Variants in MAP3K20 observed in about 807,000 individuals in gnomAD.
MAP3K20 encodes the protein HCCS-4.
In MAP3K20, 40 loss-of-function variants were observed where a neutral mutation model predicts 85.7. The observed-to-expected ratio is 0.47, with a 90% CI of 0.36 to 0.61. The LOEUF (loss-of-function observed/expected upper bound fraction) is 0.61, where lower values mean the gene tolerates loss of function less well. Among genes scored for constraint, MAP3K20 ranks in the 20% least tolerant of loss-of-function variants. MAP3K20 has a pLI of 0.00. For missense variants in MAP3K20, 817 were observed against 961.7 expected (o/e 0.85, Z 1.99); for synonymous variants, 325 against 327.7 (o/e 0.99, Z 0.09).
At chr2:173,197,985 T>A in intron 7 of MAP3K20, 41 bp from the exon 8 acceptor site, 1 of 1,578,478 alleles carries the variant, frequency 6.3e-7, no homozygotes. Flanking sequence ...CCAAAAAATA[T>A]AAAGTACAAA....
intron 2 of MAP3K20, among the ~76,000 whole-genome samples, chr2:173,151,562 A>C (rs1689308403): frequency 6.6e-6 from 1 of 152,260 alleles, no homozygotes; most frequent in African/African-American, 2.4e-5. Flanking sequence ...TTTACTGTAT[A>C]CAAAGGCCTA....
intron 2 of MAP3K20, among the ~76,000 whole-genome samples, chr2:173,145,160 C>T (rs2106219390): frequency 6.6e-6 from 1 of 151,962 alleles, no homozygotes; most frequent in Middle Eastern, 3.4e-3. Context: ...CTCTTGTGAC[C>T]TTTGATAGCC....
intron 4 of MAP3K20, among the ~76,000 whole-genome samples, chr2:173,183,421 T>C (rs1482928300): frequency 6.6e-6 from 1 of 152,190 alleles, no homozygotes; most frequent in Non-Finnish European, 1.5e-5. Context: ...TGTCCTGCCA[T>C]GTAAAAGCAA....
chr2:173,092,980 A>T (rs527317833), intron 2 of MAP3K20, among the ~76,000 whole-genome samples: 1 of 152,204 alleles, frequency 6.6e-6, no homozygotes, highest in African/African-American at 2.4e-5. Context: ...AGCATAACTC[A>T]TAAACCTGTA....
chr2:173,242,546 G>A (rs989069905), intron 16 of MAP3K20, among the ~76,000 whole-genome samples: 5 of 151,916 alleles, frequency 3.3e-5, no homozygotes, highest in African/African-American at 9.7e-5. Flanking sequence ...GTAAAAATAA[G>A]GAGCTATGGA....
At chr2:173,125,403 A>G (rs150944730) in intron 2 of MAP3K20, among the ~76,000 whole-genome samples, 1,835 of 152,326 alleles carry the variant, frequency 0.012, 24 homozygotes, top group Middle Eastern at 0.024. Flanking sequence ...ACAGCAAAAT[A>G]AGGATCTCAG....
chr2:173,109,894 G>C (rs1366201832), intron 2 of MAP3K20, among the ~76,000 whole-genome samples: 1 of 151,848 alleles, frequency 6.6e-6, no homozygotes, highest in African/African-American at 2.4e-5. Flanking sequence ...ATATTTTAAG[G>C]CTTGTAATTT....
chr2:173,238,249 A>G (rs1684698181), intron 14 of MAP3K20, 124 bp from the exon 15 acceptor site: 4 of 767,656 alleles, frequency 5.2e-6, no homozygotes, highest in African/African-American at 1.8e-5. Flanking sequence ...GACGTTGGAT[A>G]TAAATGCCCC....
chr2:173,183,002 C>G, intron 4 of MAP3K20, 47 bp downstream of exon 4: 1 of 1,469,136 alleles, frequency 6.8e-7, no homozygotes, highest in Non-Finnish European at 9.4e-7. Flanking sequence ...GGTGCATTTT[C>G]CCCTCCTGAA....
At chr2:173,097,708 G>A (rs1051826302) in intron 2 of MAP3K20, among the ~76,000 whole-genome samples, 2 of 152,026 alleles carry the variant, frequency 1.3e-5, no homozygotes, top group South Asian at 2.1e-4. Flanking sequence ...TTTATTCCAC[G>A]TTATAAATAT....
chr2:173,133,795 T>C (rs559166112), intron 2 of MAP3K20, among the ~76,000 whole-genome samples: 1 of 151,306 alleles, frequency 6.6e-6, no homozygotes, highest in Non-Finnish European at 1.5e-5. Flanking sequence ...CCATCCTGGC[T>C]AACATGGTGA....
intron 4 of MAP3K20, among the ~76,000 whole-genome samples, chr2:173,183,642 T>G (rs1690397216): frequency 6.6e-6 from 1 of 152,164 alleles, no homozygotes; most frequent in South Asian, 2.1e-4. Context: ...GGGCTTTATT[T>G]ATAACTGTCA....
chr2:173,196,090 T>G (rs76807036), intron 7 of MAP3K20, among the ~76,000 whole-genome samples: 1 of 11,298 alleles, frequency 8.9e-5, no homozygotes, highest in African/African-American at 1.4e-4. Flanking sequence ...CACGGCGTGT[T>G]TATCATACCT....
At chr2:173,118,891 A>T (rs1455890809) in intron 2 of MAP3K20, among the ~76,000 whole-genome samples, 1 of 152,160 alleles carries the variant, frequency 6.6e-6, no homozygotes, top group Non-Finnish European at 1.5e-5. Context: ...TAAGTTTTAG[A>T]AGTGTACAGT....
chr2:173,116,356 C>T (rs1306802009), intron 2 of MAP3K20, among the ~76,000 whole-genome samples: 1 of 152,166 alleles, frequency 6.6e-6, no homozygotes, highest in East Asian at 1.9e-4. Context: ...CCACAATGTG[C>T]AATAGATCTC....
At chr2:173,156,457 C>T (rs894501969) in intron 2 of MAP3K20, among the ~76,000 whole-genome samples, 3 of 152,142 alleles carry the variant, frequency 2.0e-5, no homozygotes, top group African/African-American at 7.2e-5. Flanking sequence ...CAGCAGTCCC[C>T]AACCTTTTTG....
intron 10 of MAP3K20, 81 bp downstream of exon 10, chr2:173,209,916 C>CTGAA: frequency 8.1e-7 from 1 of 1,235,928 alleles, no homozygotes; most frequent in East Asian, 2.3e-5. Context: ...AACCAGAGAT[C>CTGAA]TGAATGACAG....
intron 2 of MAP3K20, among the ~76,000 whole-genome samples, chr2:173,150,927 C>T (rs1297327611): frequency 1.3e-5 from 2 of 152,132 alleles, no homozygotes. Context: ...AAACCATGCG[C>T]CTAGCATGTA....
intron 4 of MAP3K20, among the ~76,000 whole-genome samples, chr2:173,186,159 T>C (rs1690480047): frequency 6.6e-6 from 1 of 152,220 alleles, no homozygotes; most frequent in African/African-American, 2.4e-5. Flanking sequence ...TTAAAGCTTT[T>C]GTATTTGAGT....
Sources: gnomAD v4.1 joint callset for allele counts (sites outside exome capture counted in the v4.1 genomes callset) on GRCh38, gnomAD v4.1.1 for gene constraint, MANE v1.5 for transcripts, NCBI Gene and HGNC (gene_info 2026-07-23, HGNC 2026-07-21) for gene names.